The following MON2 variants were observed in gnomAD, a reference collection of about 807,000 sequenced individuals.
The protein encoded by MON2 is MON2 regulator of endosome-to-Golgi trafficking, also known as protein MON2 homolog.
MON2 carries 84 observed loss-of-function variants against 208.6 expected under a neutral mutation model. The ratio of observed to expected loss-of-function variants is 0.40; its 90% CI spans 0.34 to 0.48. The LOEUF (loss-of-function observed/expected upper bound fraction) is 0.48. MON2 is among the 20% of genes least tolerant of loss of function. MON2 has a pLI of 0.59. For synonymous variants in MON2, 660 were observed against 694.0 expected, an observed-to-expected ratio of 0.95 and a Z score of 0.77; for missense variants, 1,611 against 2,015.4, an observed-to-expected ratio of 0.80 and a Z score of 3.84.
chr12:62,470,505 T>A (rs963178026), intron 1 of MON2, among the ~76,000 whole-genome samples: 1 of 152,206 alleles, frequency 6.6e-6, no homozygotes, highest in Non-Finnish European at 1.5e-5. Context: ...CAGTATAACT[T>A]TTTTTAGTAC....
intron 26 of MON2, among the ~76,000 whole-genome samples, chr12:62,562,753 G>A (rs2074244086): frequency 1.3e-5 from 2 of 152,076 alleles, no homozygotes; most frequent in Non-Finnish European, 1.5e-5. Flanking sequence ...TTTCCTAAGA[G>A]ATAAACTGAT....
At chr12:62,565,895 C>A (rs2074366344) in intron 27 of MON2, 119 bp from the exon 28 acceptor site, 1 of 833,554 alleles carries the variant, frequency 1.2e-6, no homozygotes, top group Non-Finnish European at 1.8e-6. Context: ...GAATGCATGC[C>A]CATGCTGATT....
intron 5 of MON2, among the ~76,000 whole-genome samples, chr12:62,500,061 A>G (rs1029919001): frequency 1.6e-4 from 25 of 152,170 alleles, no homozygotes; most frequent in African/African-American, 6.0e-4. Context: ...TTGTAATAAC[A>G]CAGGGCAATT....
chr12:62,469,949 G>T (rs1472901340), intron 1 of MON2, among the ~76,000 whole-genome samples: 1 of 148,960 alleles, frequency 6.7e-6, no homozygotes, highest in Non-Finnish European at 1.5e-5. Flanking sequence ...TTTCACCTAG[G>T]CTGGAAGTGC....
intron 5 of MON2, among the ~76,000 whole-genome samples, chr12:62,500,562 G>A (rs2070770621): frequency 6.6e-6 from 1 of 152,160 alleles, no homozygotes. Context: ...TAGAGTGAAT[G>A]TAAGGTAGCA....
chr12:62,536,091 T>C (rs368392890), intron 14 of MON2, among the ~76,000 whole-genome samples: 2 of 152,160 alleles, frequency 1.3e-5, no homozygotes, highest in African/African-American at 4.8e-5. Flanking sequence ...CGGAAACAGT[T>C]GTGATCCTAA....
At position 62,592,976 on chromosome 12, in the gene MON2, G is replaced by T; in HGVS notation, c.*227G>T. 1 of 396,116 alleles carries T rather than the reference G, an allele frequency of 2.5e-6. No individual in the cohort carries two copies. Among genetic ancestry groups the T allele is most frequent in the Non-Finnish European group, 4.6e-6 (1 of 216,474 alleles). The allele number at this position is 396,116 out of a possible 1,614,324, so 24.5% of individuals were successfully genotyped here. On this transcript the variant is annotated 3_prime_UTR_variant, in exon 35 of 35. Transcript: ENST00000393630. ...AAGGCTTTAATAAATTAAACTGATG[G>T]GAGGGATAATTAACACTACAGTATA...
chr12:62,537,983 T>C lies in MON2; in HGVS notation c.2119-113T>C, dbSNP rs2073059388. The stretch of plus-strand genomic sequence containing the variant: ...ATTTTAGTTTTAGGTTTTAAAAACC[T>C]ACTACTGATTTTAATTTTGGTTGCT... On this transcript the variant is annotated intron_variant, in intron 16 of 34. Transcript: ENST00000393630. 5 of 894,288 alleles carry C rather than the reference T, an allele frequency of 5.6e-6. No individual in the cohort carries two copies. The South Asian group carries it at 8.5e-5, about 15-fold the overall frequency. 55.4% of individuals were successfully genotyped at this position (894,288 alleles called of 1,614,324 possible). A position where few individuals can be genotyped will look rare whatever the true frequency, so the allele number is the denominator to read the frequency against.
chr12:62,584,508 C>G (rs2075126434), intron 32 of MON2, among the ~76,000 whole-genome samples: 2 of 151,944 alleles, frequency 1.3e-5, no homozygotes, highest in Admixed American at 6.6e-5. Flanking sequence ...TCGAGACCAT[C>G]CTGGCTAACA....
chr12:62,564,945 T>C (rs77409456), intron 26 of MON2: 2,929 of 246,840 alleles, frequency 0.012, 91 homozygotes, highest in African/African-American at 0.063. Context: ...AATGATCAGA[T>C]TGTAGAACCT....
intron 8 of MON2, among the ~76,000 whole-genome samples, chr12:62,516,207 A>G (rs2071680963): frequency 6.6e-6 from 1 of 152,200 alleles, no homozygotes; most frequent in Non-Finnish European, 1.5e-5. Context: ...CTCGTTTGTA[A>G]GAGCTAAAAG....
chr12:62,564,119 G>T (rs2074289469), intron 26 of MON2, among the ~76,000 whole-genome samples: 1 of 151,990 alleles, frequency 6.6e-6, no homozygotes, highest in African/African-American at 2.4e-5. Flanking sequence ...TCACACTTGG[G>T]TATGGGGAGC....
At chr12:62,578,672 TA>T (rs981325026) in intron 31 of MON2, among the ~76,000 whole-genome samples, 167 bp downstream of exon 31, 1 of 152,244 alleles carries the variant, frequency 6.6e-6, no homozygotes, top group African/African-American at 2.4e-5. Context: ...ACTGGCATTT[TA>T]AAAGTGACTT....
Position 62,598,711 on chromosome 12 carries a change from C to G in MON2, c.*5962C>G, listed in dbSNP as rs1429252377. The G allele has an allele frequency of 1.3e-5, 2 of 152,146 alleles. No homozygotes were observed. Among genetic ancestry groups the G allele is most frequent in the East Asian group, 3.9e-4 (2 of 5,194 alleles). 9.4% of individuals were successfully genotyped at this position (152,146 alleles called of 1,614,324 possible). On this transcript the variant is annotated 3_prime_UTR_variant, in exon 35 of 35. Transcript: ENST00000393630. ...CCACTGTTGTTACTCTTTCTCCTTA[C>G]AATTTTTATGTTGTTGAGATGTATC... is the stretch of plus-strand genomic sequence containing the variant.
intron 1 of MON2, among the ~76,000 whole-genome samples, chr12:62,483,671 G>A (rs762794261): frequency 2.6e-5 from 4 of 152,120 alleles, no homozygotes; most frequent in African/African-American, 7.2e-5. Flanking sequence ...AGCCAAGATC[G>A]TGCCATTGGA....
chr12:62,503,537 C>T (rs912530357), intron 7 of MON2, among the ~76,000 whole-genome samples: 4 of 152,146 alleles, frequency 2.6e-5, no homozygotes, highest in Admixed American at 6.5e-5. Context: ...TTTAAAAAGT[C>T]GAATCTTTTT....
At chr12:62,493,354 T>C (rs2070287780) in intron 2 of MON2, among the ~76,000 whole-genome samples, 2 of 152,330 alleles carry the variant, frequency 1.3e-5, no homozygotes, top group South Asian at 4.1e-4. Flanking sequence ...GTGTACCCAA[T>C]TAATTTAAAG....
intron 1 of MON2, among the ~76,000 whole-genome samples, chr12:62,477,939 T>TGAACCTACTCATGGAACAGGGCA (rs1161520282): frequency 6.6e-6 from 1 of 152,172 alleles, no homozygotes; most frequent in African/African-American, 2.4e-5. Context: ...AGCCTGAGGA[T>TGAACCTACTCATGGAACAGGGCA]GAACCTACTC....
intron 24 of MON2, among the ~76,000 whole-genome samples, chr12:62,555,064 G>A (rs1470688300): frequency 6.6e-6 from 1 of 152,112 alleles, no homozygotes; most frequent in Non-Finnish European, 1.5e-5. Flanking sequence ...CCAAAGTGCT[G>A]GGATTACAGG....
Sources: gnomAD v4.1 joint callset for allele counts (sites outside exome capture counted in the v4.1 genomes callset) on GRCh38, gnomAD v4.1.1 for gene constraint, MANE v1.5 for transcripts, NCBI Gene and HGNC (gene_info 2026-07-23, HGNC 2026-07-21) for gene names.